ADGRL1: variants seen among roughly 807,000 people sequenced by gnomAD.
The protein encoded by ADGRL1 is adhesion G protein-coupled receptor L1, also known as CIRL-1.
Under a neutral mutation model 148.9 loss-of-function variants are expected in ADGRL1, and 31 were observed. The ratio of observed to expected loss-of-function variants is 0.21; its 90% CI spans 0.16 to 0.28. ADGRL1 has a LOEUF of 0.28. ADGRL1 is among the 10% of genes least tolerant of loss of function. The pLI, the probability that ADGRL1 is intolerant of heterozygous loss-of-function variation, is 1.00. For synonymous variants in ADGRL1, 937 were observed against 900.3 expected, an observed-to-expected ratio of 1.04 and a Z score of -0.73; for missense variants, 1,521 against 2,058.8, an observed-to-expected ratio of 0.74 and a Z score of 5.05.
intron 1 of ADGRL1, among the ~76,000 whole-genome samples, chr19:14,189,858 C>A (rs1174182613): frequency 6.6e-6 from 1 of 152,250 alleles, no homozygotes; most frequent in Non-Finnish European, 1.5e-5. Flanking sequence ...CACCTAGACA[C>A]CTTTCTGGTG....
rs1173032471 is a variant in ADGRL1 at position 14,155,714 on chromosome 19, G to A, written c.3126-187C>T. 5 of 605,126 alleles carry A rather than the reference G, an allele frequency of 8.3e-6. No homozygotes were observed. Among genetic ancestry groups the A allele is most frequent in the Non-Finnish European group, 1.5e-5 (5 of 342,828 alleles). The allele number at this position is 605,126 out of a possible 1,614,324, so 37.5% of individuals were successfully genotyped here. A position where few individuals can be genotyped will look rare whatever the true frequency, so the allele number is the denominator to read the frequency against. On this transcript the variant is annotated intron_variant, in intron 17 of 22. Coordinates refer to ENST00000361434, the MANE Select transcript of ADGRL1 (RefSeq NM_014921.5). The surrounding 1 kb of genome is among the most constrained non-coding windows in gnomAD (Gnocchi z 5.0). ...GACACCTCCACCGGAGCCTGGGCCT[G>A]AGGGAAAGGTACTGGGTCAGGGGTC...
chr19:14,183,223 G>GAGAGAGAGAGAC (rs1568616276), intron 2 of ADGRL1, among the ~76,000 whole-genome samples: 1 of 152,134 alleles, frequency 6.6e-6, no homozygotes, highest in South Asian at 2.1e-4. Context: ...GAGAGCGAGA[G>GAGAGAGAGAGAC]AGAGACAGAG....
rs1389668653 is a variant in ADGRL1 at position 14,148,364 on chromosome 19, A to T, written c.*2509T>A. 6.6e-6 allele frequency: 1 copy of T among 152,310 alleles called. No individual in the cohort carries two copies. The highest frequency in any genetic ancestry group is 1.5e-5 in the Non-Finnish European group (1 of 68,130). The allele number at this position is 152,310 out of a possible 1,614,324, so 9.4% of individuals were successfully genotyped here. A position where few individuals can be genotyped will look rare whatever the true frequency, so the allele number is the denominator to read the frequency against. ...CACCCTCTCTCCCTTTGATTGTCCG[A>T]GTCTGGAGAGATACAAGGAAGGCTG... On this transcript the variant is annotated 3_prime_UTR_variant, in exon 23 of 23. Coordinates refer to ENST00000361434, the MANE Select transcript of ADGRL1 (RefSeq NM_014921.5).
At chr19:14,154,973 A>G (rs906028083) in intron 18 of ADGRL1, among the ~76,000 whole-genome samples, 5 of 152,098 alleles carry the variant, frequency 3.3e-5, no homozygotes, top group African/African-American at 1.2e-4. Context: ...GATCCTTTCT[A>G]TCACCACAAA....
chr19:14,157,184 C>T lies in ADGRL1; in HGVS notation c.2746-39G>A, dbSNP rs1340650453. The T allele has an allele frequency of 6.2e-7, 1 of 1,613,246 alleles. No homozygotes were observed. The highest frequency in any genetic ancestry group is 1.1e-5 in the South Asian group (1 of 91,066). On this transcript the variant is annotated intron_variant, in intron 14 of 22. Transcript: ENST00000361434. This position sits in a 1 kb window ranked among gnomAD's most constrained non-coding sequence, Gnocchi z 7.5. ...TGAGGGTGAGGGGCTGCTGCCTGGA[C>T]AGGTGTCCCCCTTCTTCTCCCGGCC... is the stretch of plus-strand genomic sequence containing the variant.
At chr19:14,183,454 G>A in intron 2 of ADGRL1, 79 bp downstream of exon 2, 1 of 1,307,264 alleles carries the variant, frequency 7.6e-7, no homozygotes, top group Non-Finnish European at 1.1e-6. Context: ...GAGTGATCAG[G>A]AGGGTTTTCA....
chr19:14,168,748 C>T (rs1046850697), intron 4 of ADGRL1: 6 of 152,122 alleles, frequency 3.9e-5, no homozygotes, highest in African/African-American at 7.2e-5. Flanking sequence ...GGTCATTATC[C>T]GTTGTTATTT....
intron 1 of ADGRL1, among the ~76,000 whole-genome samples, chr19:14,184,163 G>A (rs1380944212): frequency 6.6e-6 from 1 of 152,272 alleles, no homozygotes; most frequent in Admixed American, 6.5e-5. Context: ...CCAGCCCCCT[G>A]CTTCCTGTCT....
chr19:14,203,968 G>A (rs977617031), intron 1 of ADGRL1, among the ~76,000 whole-genome samples: 1 of 152,148 alleles, frequency 6.6e-6, no homozygotes, highest in African/African-American at 2.4e-5. Flanking sequence ...GGAAGATGGT[G>A]GCAAGACCAG....
chr19:14,156,865 G>C, intron 15 of ADGRL1, 60 bp downstream of exon 15: 3 of 1,577,152 alleles, frequency 1.9e-6, no homozygotes, highest in Admixed American at 3.5e-5. Context: ...CCTGGTCCAA[G>C]GGGTGCCGCC....
rs1192805704 is a variant in ADGRL1, at chr19:14,156,121, C to G, written c.3114G>C (p.Leu1038=). ...SSVLKPDSSR[L]DNIKSWALGA... is the part of the protein sequence containing the mutation. ...GGGGCGAGGCTCACTTAATGTTGTC[C>G]AGGCGGCTGGAGTCGGGCTTGAGCA... Residue 1038 remains leucine (L), a synonymous_variant, in exon 17 of 23, where the codon CTG becomes CTC. Transcript: ENST00000361434. The G allele has an allele frequency of 1.9e-6, 3 of 1,610,566 alleles. No homozygotes were observed. The highest frequency in any genetic ancestry group is 2.5e-6 in the Non-Finnish European group (3 of 1,178,876).
intron 16 of ADGRL1, 103 bp from the exon 17 acceptor site, chr19:14,156,304 C>CGAGG: frequency 2.2e-6 from 2 of 924,286 alleles, no homozygotes; most frequent in South Asian, 1.4e-5. Context: ...CTGTGGCCCT[C>CGAGG]GCCTCTGCTG....
chr19:14,161,608 G>A lies in ADGRL1; in HGVS notation c.1214C>T (p.Pro405Leu), dbSNP rs202201790. The part of the protein sequence containing the change: ...DPSAGPATSP[P>L]LSTTTTARPT... ...CCTGGCTGTGGTGGTCGTGCTGAGG[G>A]GTGGGGAAGTGGCTGGGCCTGGAGA... The change falls in exon 6 of 23, where the codon CCC (proline) becomes CTC (leucine). Residue 405 changes from proline (P) to leucine (L), a missense_variant. Pro to Leu is a moderately conservative substitution (Grantham distance 98). Around this residue, in one of 8 missense-constraint regions of ADGRL1, gnomAD observed 270 missense variants for 320.4 expected, o/e 0.84. Coordinates refer to ENST00000361434, the MANE Select transcript of ADGRL1 (RefSeq NM_014921.5). The surrounding 1 kb of genome is among the most constrained non-coding windows in gnomAD (Gnocchi z 4.4). 7.7e-6 allele frequency: 11 copies of A among 1,423,438 alleles called. No homozygotes were observed. The African/African-American group carries it at 1.0e-4, about 13-fold the overall frequency. 88.2% of individuals were successfully genotyped at this position (1,423,438 alleles called of 1,614,324 possible).
chr19:14,162,920 G>A lies in ADGRL1; in HGVS notation c.881C>T (p.Thr294Ile), dbSNP rs752784541. ...CTCCCACGTGCCCTCAAAGCGCAGT[G>A]TGTAGGGGTTCAGCTGGCTCACCAC... ...RLVVSQLNPY[T>I]LRFEGTWETG... Residue 294 changes from threonine (T) to isoleucine (I), a missense_variant, in exon 5 of 23, where the codon ACA becomes ATA. This residue lies in a region of ADGRL1 where 334 missense variants were observed against 512.5 expected (regional missense o/e 0.65). Coordinates refer to ENST00000361434, the MANE Select transcript of ADGRL1 (RefSeq NM_014921.5). The surrounding 1 kb of genome is among the most constrained non-coding windows in gnomAD (Gnocchi z 5.4). 1 of 1,613,662 alleles carries A rather than the reference G, an allele frequency of 6.2e-7. No individual in the cohort carries two copies. Among genetic ancestry groups the A allele is most frequent in the Non-Finnish European group, 8.5e-7 (1 of 1,179,866 alleles).
intron 1 of ADGRL1, among the ~76,000 whole-genome samples, chr19:14,187,884 G>A (rs375437371): frequency 3.0e-4 from 45 of 152,098 alleles, no homozygotes; most frequent in South Asian, 1.9e-3. Flanking sequence ...GTCTCCAAGC[G>A]CTTTCTTTCC....
At chr19:14,173,161 G>A (rs756188577) in intron 3 of ADGRL1, among the ~76,000 whole-genome samples, 23 of 152,026 alleles carry the variant, frequency 1.5e-4, no homozygotes, top group Non-Finnish European at 2.4e-4. Context: ...GGGTTTTGCC[G>A]TGTTGCCTAG....
intron 1 of ADGRL1, among the ~76,000 whole-genome samples, chr19:14,196,512 CG>C (rs1271676495): frequency 6.6e-6 from 1 of 152,116 alleles, no homozygotes; most frequent in Non-Finnish European, 1.5e-5. Flanking sequence ...CCCAGCTCCT[CG>C]GGAGGCTTAG....
At chr19:14,175,043 A>G (rs550747687) in intron 3 of ADGRL1, among the ~76,000 whole-genome samples, 120 of 151,382 alleles carry the variant, frequency 7.9e-4, no homozygotes, top group African/African-American at 2.8e-3. Context: ...GGGTCTTGCT[A>G]TGTTGCCCAG....
At chr19:14,180,049 A>T (rs1425060967) in intron 2 of ADGRL1, among the ~76,000 whole-genome samples, 1 of 152,172 alleles carries the variant, frequency 6.6e-6, no homozygotes, top group Non-Finnish European at 1.5e-5. Context: ...GTGGTCTATC[A>T]GGGCTACAGA....
Sources: gnomAD v4.1 joint callset for allele counts (sites outside exome capture counted in the v4.1 genomes callset) on GRCh38, gnomAD v4.1.1 for gene constraint, gnomAD v4.1.1 regional missense constraint, Gnocchi (gnomAD v3.1) non-coding constraint, MANE v1.5 for transcripts, NCBI Gene and HGNC (gene_info 2026-07-23, HGNC 2026-07-21) for gene names.